GPC5: variants seen among roughly 807,000 people sequenced by gnomAD.
GPC5 encodes the protein glypican 5.
A neutral mutation model predicts 53.9 loss-of-function variants in GPC5; 47 were observed. That is an observed-to-expected ratio of 0.87 (90% confidence interval 0.69 to 1.11). The LOEUF is 1.11. Ranked by LOEUF, GPC5 falls within the 50% of genes most tolerant of loss-of-function variation. The probability of loss-of-function intolerance (pLI) is 0.00; values close to 1 mark genes in which losing one functional copy is unlikely to be tolerated. For missense variants in GPC5, 748 were observed against 713.1 expected, an observed-to-expected ratio of 1.05 and a Z score of -0.56; for synonymous variants, 286 against 263.3, an observed-to-expected ratio of 1.09 and a Z score of -0.84.
At chr13:91,785,414 A>G (rs1390739617) in intron 5 of GPC5, among the ~76,000 whole-genome samples, 2 of 152,176 alleles carry the variant, frequency 1.3e-5, no homozygotes, top group Non-Finnish European at 2.9e-5. Context: ...GGGAAAAACA[A>G]TTGCCTTCAG....
At chr13:91,513,007 ATT>A (rs1885312594) in intron 2 of GPC5, among the ~76,000 whole-genome samples, 1 of 152,184 alleles carries the variant, frequency 6.6e-6, no homozygotes, top group Admixed American at 6.5e-5. Context: ...TAAAAAAATC[ATT>A]GTTATTATTT....
At chr13:91,464,270 A>C (rs1439119442) in intron 2 of GPC5, among the ~76,000 whole-genome samples, 1 of 152,144 alleles carries the variant, frequency 6.6e-6, no homozygotes, top group African/African-American at 2.4e-5. Flanking sequence ...TCACTGAGGC[A>C]CTGTTCATGG....
intron 2 of GPC5, among the ~76,000 whole-genome samples, chr13:91,636,426 AGT>A (rs1407685565): frequency 5.3e-5 from 8 of 151,644 alleles, no homozygotes; most frequent in African/African-American, 1.7e-4. Flanking sequence ...ACGTGTGTGC[AGT>A]GTGTGTGTAT....
At chr13:91,696,952 C>T (rs370723860) in intron 3 of GPC5, among the ~76,000 whole-genome samples, 2 of 152,224 alleles carry the variant, frequency 1.3e-5, no homozygotes, top group South Asian at 2.1e-4. Context: ...TCTGAGTTTA[C>T]GCATTTGCTT....
intron 4 of GPC5, among the ~76,000 whole-genome samples, chr13:91,738,679 CT>C (rs1472681063): frequency 6.6e-6 from 1 of 150,694 alleles, no homozygotes; most frequent in African/African-American, 2.5e-5. Flanking sequence ...TTTCTTTATT[CT>C]CTTAATGGTT....
chr13:92,205,754 A>G (rs1467071589), intron 7 of GPC5, among the ~76,000 whole-genome samples: 3 of 152,200 alleles, frequency 2.0e-5, no homozygotes, highest in Non-Finnish European at 4.4e-5. Context: ...CGTTTATAAA[A>G]CAACTATTTC....
intron 7 of GPC5, among the ~76,000 whole-genome samples, chr13:92,752,307 C>T (rs1452054368): frequency 6.6e-6 from 1 of 152,060 alleles, no homozygotes; most frequent in Non-Finnish European, 1.5e-5. Flanking sequence ...ACAAATGATC[C>T]CTGGGGGACA....
chr13:91,530,606 G>A (rs183074472), intron 2 of GPC5, among the ~76,000 whole-genome samples: 46 of 152,048 alleles, frequency 3.0e-4, no homozygotes, highest in Non-Finnish European at 6.0e-4. Flanking sequence ...GAGCCAGCAC[G>A]CTCTTTTTAT....
intron 7 of GPC5, among the ~76,000 whole-genome samples, chr13:92,750,364 A>T (rs1017585577): frequency 6.6e-6 from 1 of 152,000 alleles, no homozygotes; most frequent in African/African-American, 2.4e-5. Context: ...ATATAAGTGA[A>T]CTCTATCATT....
chr13:92,751,914 T>G (rs958349209), intron 7 of GPC5, among the ~76,000 whole-genome samples: 2 of 152,180 alleles, frequency 1.3e-5, no homozygotes. Flanking sequence ...ATTGTTTCAC[T>G]TGCGCTGGAT....
chr13:91,883,405 G>A (rs74561098), intron 5 of GPC5, among the ~76,000 whole-genome samples: 2,934 of 152,270 alleles, frequency 0.019, 43 homozygotes, highest in Middle Eastern at 0.037. Flanking sequence ...ATTTTTTGAC[G>A]AGAAGAATAT....
At chr13:91,959,250 G>T (rs2040104560) in intron 6 of GPC5, among the ~76,000 whole-genome samples, 1 of 151,730 alleles carries the variant, frequency 6.6e-6, no homozygotes, top group South Asian at 2.1e-4. Flanking sequence ...GAAATACAAA[G>T]ATCATCAGAG....
At chr13:92,556,676 T>G (rs1343571902) in intron 7 of GPC5, among the ~76,000 whole-genome samples, 2 of 151,888 alleles carry the variant, frequency 1.3e-5, no homozygotes, top group East Asian at 3.9e-4. Context: ...TTTTTTAATG[T>G]AGTAATTTTT....
At chr13:91,963,355 C>T (rs2040144557) in intron 6 of GPC5, among the ~76,000 whole-genome samples, 1 of 152,096 alleles carries the variant, frequency 6.6e-6, no homozygotes, top group Admixed American at 6.6e-5. Flanking sequence ...ATACGTATTT[C>T]CCCCAAATTT....
At chr13:92,626,664 A>C (rs1245091809) in intron 7 of GPC5, among the ~76,000 whole-genome samples, 1 of 152,298 alleles carries the variant, frequency 6.6e-6, no homozygotes, top group East Asian at 1.9e-4. Context: ...GGTTGGATTA[A>C]AGGTGGCCCA....
intron 7 of GPC5, among the ~76,000 whole-genome samples, chr13:92,286,106 C>A (rs139364348): frequency 1.1e-3 from 173 of 152,194 alleles, no homozygotes; most frequent in African/African-American, 3.4e-3. Context: ...AAAAGAAGAC[C>A]TTTATGCAGC....
chr13:92,383,788 T>A lies in GPC5; in HGVS notation c.1561+238799T>A, dbSNP rs145225377. ...TAATAAATTATATTTTAACTTAAAA[T>A]TTTTTTCTATTTAAAAAGTTTTTGA... On this transcript the variant is annotated intron_variant, in intron 7 of 7. Coordinates refer to ENST00000377067, the MANE Select transcript of GPC5 (RefSeq NM_004466.6). 1.9e-3 allele frequency among the ~76,000 whole-genome samples: 283 copies of A among 151,762 alleles called. 2 individuals carry two copies. The highest frequency in any genetic ancestry group is 6.3e-3 in the African/African-American group (260 of 41,514).
intron 4 of GPC5, among the ~76,000 whole-genome samples, chr13:91,746,520 T>C (rs1159861186): frequency 6.6e-6 from 1 of 152,144 alleles, no homozygotes; most frequent in Non-Finnish European, 1.5e-5. Context: ...GGGTGCAATA[T>C]ATGACAATTT....
intron 7 of GPC5, among the ~76,000 whole-genome samples, chr13:92,243,657 A>G (rs2042629832): frequency 1.3e-5 from 2 of 151,592 alleles, no homozygotes; most frequent in East Asian, 1.9e-4. Context: ...TAGGTGTGAT[A>G]GGAAATTAAG....
Sources: gnomAD v4.1 joint callset for allele counts (sites outside exome capture counted in the v4.1 genomes callset) on GRCh38, gnomAD v4.1.1 for gene constraint, MANE v1.5 for transcripts, NCBI Gene and HGNC (gene_info 2026-07-23, HGNC 2026-07-21) for gene names.